The following PDXDC1 variants were observed in gnomAD, a reference collection of about 807,000 sequenced individuals.
PDXDC1 encodes pyridoxal dependent decarboxylase domain containing 1.
PDXDC1 carries 42 observed loss-of-function variants against 100.1 expected under a neutral mutation model. That is an observed-to-expected ratio of 0.42 (90% CI 0.33 to 0.54). The LOEUF is 0.54. PDXDC1 is among the 20% of genes least tolerant of loss of function. PDXDC1 has a pLI of 0.10. For synonymous variants in PDXDC1, 260 were observed against 371.7 expected (o/e 0.70, Z 3.46); for missense variants, 636 against 979.2 (o/e 0.65, Z 4.68).
chr16:15,122,304 G>A (rs1437531467), intron 16 of PDXDC1, among the ~76,000 whole-genome samples: 26 of 148,414 alleles, frequency 1.8e-4, no homozygotes, highest in African/African-American at 4.7e-4. Context: ...TCCAGCTCCT[G>A]GGCCCAAGCG....
At chr16:15,028,343 GCCTGAGGGGACTCCAT>G (rs1344568639) in intron 14 of PDXDC1, among the ~76,000 whole-genome samples, 1 of 152,292 alleles carries the variant, frequency 6.6e-6, no homozygotes, top group African/African-American at 2.4e-5. Flanking sequence ...TGCCTATCGT[GCCTGAGGGGACTCCAT>G]CATTTTCTAT....
chr16:14,993,492 A>G (rs1234380464), intron 1 of PDXDC1, among the ~76,000 whole-genome samples: 12 of 152,286 alleles, frequency 7.9e-5, no homozygotes, highest in Non-Finnish European at 1.8e-4. Context: ...TTATGGCTGC[A>G]TAGTATTCCA....
At chr16:15,046,521 T>A (rs2044070501) in intron 16 of PDXDC1, among the ~76,000 whole-genome samples, 1 of 151,886 alleles carries the variant, frequency 6.6e-6, no homozygotes, top group Non-Finnish European at 1.5e-5. Context: ...TTTACTGCAG[T>A]GAGAGAGGAT....
At chr16:15,070,948 G>A (rs940314790) in intron 16 of PDXDC1, among the ~76,000 whole-genome samples, 1 of 152,110 alleles carries the variant, frequency 6.6e-6, no homozygotes, top group African/African-American at 2.4e-5. Context: ...TAAAAAAGGA[G>A]ACACTTTATT....
At chr16:15,133,729 C>A in intron 16 of PDXDC1, 3 of 1,603,834 alleles carry the variant, frequency 1.9e-6, no homozygotes, top group Non-Finnish European at 2.6e-6. Context: ...CATGGCATCA[C>A]GGGAGGGCTC....
rs930498668 is a variant in PDXDC1 at position 15,072,258 on chromosome 16, AAAAG to A, written c.1399+42205_1399+42208del. On this transcript the variant is annotated intron_variant, in intron 16 of 16. Transcript: ENST00000535621. Reference sequence around the variant, plus strand: ...TCTTTCCCCCACCAAAAAAAAAAAAAAAAGAAGAAGAAGAAGAAAAGACAAAGCC... The same window carrying A: ...TCTTTCCCCCACCAAAAAAAAAAAAAAAGAAGAAGAAGAAAAGACAAAGCC... Among the ~76,000 whole-genome samples, 33 of 152,136 alleles carry A rather than the reference AAAAG, an allele frequency of 2.2e-4. 1 individual carries two copies. The highest frequency in any genetic ancestry group is 3.9e-4 in the East Asian group (2 of 5,186).
Position 15,035,432 on chromosome 16 carries a change from C to T in PDXDC1, c.2003-17C>T. ...CCTGTGCCTGTAGCTTCTACCCAGC[C>T]CTCTCCTCTCCCGCAGGCTCTCTGG... On this transcript the variant is annotated splice_polypyrimidine_tract_variant and intron_variant, in intron 21 of 22. Transcript: ENST00000396410. The T allele has an allele frequency of 6.5e-7, 1 of 1,534,308 alleles. No homozygotes were observed. Among genetic ancestry groups the T allele is most frequent in the Non-Finnish European group, 8.9e-7 (1 of 1,118,512 alleles).
chr16:14,975,373 G>C (rs1966649935), intron 1 of PDXDC1, 153 bp downstream of exon 1: 1 of 985,394 alleles, frequency 1.0e-6, no homozygotes, highest in Admixed American at 6.1e-5. Flanking sequence ...CGGGAGGGCG[G>C]CTGGGGCCCG....
In PDXDC1 at chr16:14,990,111, C is replaced by G. The variant is rs961334641; in HGVS notation, c.22-7642C>G. On this transcript the variant is annotated intron_variant, in intron 1 of 22. Transcript: ENST00000396410. The stretch of plus-strand genomic sequence containing the variant: ...CAGGCAGAGGAGGCGGCGGGCCCAG[C>G]TGCTCGACAGCAGTCCCGGCAGCCC... The G allele has an allele frequency of 1.4e-5, 20 of 1,476,130 alleles. No individual in the cohort carries two copies. In the African/African-American group the frequency reaches 2.8e-4, roughly 21 times the overall value. 91.4% of individuals were successfully genotyped at this position (1,476,130 alleles called of 1,614,324 possible).
Position 15,128,373 on chromosome 16 carries a change from C to T in PDXDC1, c.1400-10506C>T, listed in dbSNP as rs1486874434. On this transcript the variant is annotated intron_variant, in intron 16 of 16. Transcript: ENST00000535621. ...TGTCCACCCCATACAGCATGATGCCCACGTGGGCCGTGGTACCTGGAGGGC... is the reference window on the plus strand; with the variant it reads ...TGTCCACCCCATACAGCATGATGCCTACGTGGGCCGTGGTACCTGGAGGGC... 9 of 1,599,194 alleles carry T rather than the reference C, an allele frequency of 5.6e-6. No homozygotes were observed. The South Asian group carries it at 8.8e-5, about 16-fold the overall frequency.
At chr16:15,131,538 C>G (rs542134441) in intron 16 of PDXDC1, 3 of 1,609,426 alleles carry the variant, frequency 1.9e-6, no homozygotes, top group African/African-American at 1.3e-5. Flanking sequence ...TCTCCTCGCC[C>G]GCCAGTGTCA....
At chr16:14,989,006 C>T (rs1970066686) in intron 1 of PDXDC1, 1 of 1,614,238 alleles carries the variant, frequency 6.2e-7, no homozygotes. Context: ...TCTGGTCTCG[C>T]TCCCTGTGGC....
intron 16 of PDXDC1, among the ~76,000 whole-genome samples, chr16:15,075,095 C>A (rs1470938405): frequency 6.6e-6 from 1 of 151,024 alleles, no homozygotes; most frequent in African/African-American, 2.4e-5. Flanking sequence ...ACTAAAAATA[C>A]AAGAATTAGC....
chr16:15,031,688 C>G (rs1205576611), intron 16 of PDXDC1, 47 bp from the exon 17 acceptor site: 2 of 1,543,098 alleles, frequency 1.3e-6, no homozygotes, highest in Non-Finnish European at 1.8e-6. Context: ...GCCCTCTTGT[C>G]ATTGGCCATC....
intron 16 of PDXDC1, among the ~76,000 whole-genome samples, chr16:15,064,759 T>C (rs1002686150): frequency 9.2e-5 from 14 of 152,206 alleles, no homozygotes; most frequent in Non-Finnish European, 1.6e-4. Flanking sequence ...ACTTTGCATC[T>C]GGTGAAATAT....
At chr16:15,123,957 C>T (rs1464986934) in intron 16 of PDXDC1, among the ~76,000 whole-genome samples, 1 of 150,746 alleles carries the variant, frequency 6.6e-6, no homozygotes, top group African/African-American at 2.4e-5. Flanking sequence ...ACATCCGAAA[C>T]CGAGTGATGA....
intron 1 of PDXDC1, among the ~76,000 whole-genome samples, chr16:14,979,469 T>C (rs1245061774): frequency 6.6e-6 from 1 of 152,402 alleles, no homozygotes; most frequent in East Asian, 1.9e-4. Context: ...TTTGTATTTT[T>C]AGTAGGGATG....
At chr16:15,145,495 T>A in the PDXDC1 span, among the ~76,000 whole-genome samples, 1 of 152,232 alleles carries the variant, frequency 6.6e-6, no homozygotes, top group East Asian at 1.9e-4. Context: ...CAAAGCCCTT[T>A]CCGAGGTGGC....
rs1266094596 is a variant in PDXDC1 at position 15,136,189 on chromosome 16, C to T, written c.1400-2690C>T. The T allele has an allele frequency of 2.8e-5, 21 of 758,044 alleles. 1 individual carries two copies. Among genetic ancestry groups the T allele is most frequent in the African/African-American group, 2.2e-4 (13 of 58,166 alleles). The allele number at this position is 758,044 out of a possible 1,614,324, so 47.0% of individuals were successfully genotyped here. On this transcript the variant is annotated intron_variant, in intron 16 of 16. Transcript: ENST00000535621. Reference sequence around the variant, plus strand: ...GGGCACTCCTCCATCCTCCCACCCTCACAGCAGCCCGCTGGGAGCCCCATC... The same window carrying T: ...GGGCACTCCTCCATCCTCCCACCCTTACAGCAGCCCGCTGGGAGCCCCATC...
Sources: allele counts gnomAD v4.1 joint callset (sites outside exome capture counted in the v4.1 genomes callset), GRCh38; gene constraint gnomAD v4.1.1; transcripts MANE v1.5; gene names NCBI Gene and HGNC (gene_info 2026-07-23, HGNC 2026-07-21).